TENM1: variants seen among roughly 807,000 people sequenced by gnomAD.
The protein encoded by TENM1 is teneurin transmembrane protein 1, also known as teneurin-1.
TENM1 carries 35 observed loss-of-function variants against 174.8 expected under a neutral mutation model. The ratio of observed to expected loss-of-function variants is 0.20; its 90% CI spans 0.15 to 0.27. The LOEUF (loss-of-function observed/expected upper bound fraction) is 0.27, where lower values mean the gene tolerates loss of function less well. Among genes scored for constraint, TENM1 ranks in the 10% least tolerant of loss-of-function variants. The probability of loss-of-function intolerance (pLI) is 1.00; values close to 1 mark genes in which losing one functional copy is unlikely to be tolerated. For synonymous variants in TENM1, 781 were observed against 798.7 expected (o/e 0.98, Z 0.37); for missense variants, 1,633 against 2,130.1 (o/e 0.77, Z 4.59).
intron 23 of TENM1, among the ~76,000 whole-genome samples, chrX:124,437,763 G>A (rs1209748286): frequency 8.9e-6 from 1 of 111,918 alleles, no homozygotes; most frequent in East Asian, 2.8e-4. Context: ...TTGATTTGGA[G>A]TTGGAAGTGT....
At chrX:124,573,029 C>T (rs1188047432) in intron 11 of TENM1, among the ~76,000 whole-genome samples, 2 of 110,922 alleles carry the variant, frequency 1.8e-5, no homozygotes, top group Non-Finnish European at 3.8e-5. Context: ...CAGAAAAGGC[C>T]AAGAATATCC....
intron 3 of TENM1, among the ~76,000 whole-genome samples, chrX:124,820,969 T>C (rs1933121970): frequency 8.9e-6 from 1 of 112,347 alleles, no homozygotes; most frequent in South Asian, 3.7e-4. Flanking sequence ...CAATCTCCCT[T>C]CTTTACGTAA....
chrX:124,379,632 T>C (rs2060135603), exon 32 of TENM1: 1 of 112,073 alleles, frequency 8.9e-6, no homozygotes. Context: ...TTTAAGTAAA[T>C]TACCGTTCAT....
chrX:124,627,743 T>A (rs944233261), intron 11 of TENM1, among the ~76,000 whole-genome samples: 1 of 112,099 alleles, frequency 8.9e-6, no homozygotes, highest in Non-Finnish European at 1.9e-5. Flanking sequence ...TCTCCATAGG[T>A]CTTCTGGCTG....
the TENM1 span, among the ~76,000 whole-genome samples, chrX:125,003,007 T>A: frequency 8.9e-6 from 1 of 112,033 alleles, no homozygotes; most frequent in African/African-American, 3.2e-5. Context: ...AAAGGAACAT[T>A]ATAGATAGCA....
chrX:124,466,307 T>C (rs190839586), intron 22 of TENM1, among the ~76,000 whole-genome samples: 1 of 111,730 alleles, frequency 9.0e-6, no homozygotes, highest in East Asian at 2.8e-4. Flanking sequence ...AAAAAATGAG[T>C]AATTAATAAC....
chrX:124,376,156 T>C (rs1274945828), exon 32 of TENM1: 1 of 111,901 alleles, frequency 8.9e-6, no homozygotes, highest in Non-Finnish European at 1.9e-5. Flanking sequence ...TTGGAACCTA[T>C]TGTTTCCTAG....
At chrX:124,517,985 G>A (rs1235129911) in intron 18 of TENM1, among the ~76,000 whole-genome samples, 1 of 110,900 alleles carries the variant, frequency 9.0e-6, no homozygotes, top group Non-Finnish European at 1.9e-5. Flanking sequence ...CAGCAGGAAT[G>A]AGATGTCGCA....
intron 3 of TENM1, among the ~76,000 whole-genome samples, chrX:124,754,295 C>A (rs1483955799): frequency 9.0e-6 from 1 of 111,551 alleles, no homozygotes; most frequent in Admixed American, 9.5e-5. Flanking sequence ...GTAGTATTCT[C>A]TGATGGTAGT....
intron 20 of TENM1, among the ~76,000 whole-genome samples, chrX:124,492,503 T>C (rs1040260515): frequency 9.0e-6 from 1 of 111,176 alleles, no homozygotes; most frequent in Non-Finnish European, 1.9e-5. Context: ...TAGATGCTTT[T>C]TTTTTTTTAA....
At chrX:124,682,030 G>C (rs2052247887) in intron 5 of TENM1, among the ~76,000 whole-genome samples, 1 of 111,679 alleles carries the variant, frequency 9.0e-6, no homozygotes, top group African/African-American at 3.2e-5. Flanking sequence ...CGGTCTTTGA[G>C]AGAACTTCAG....
At chrX:125,143,695 T>TC in the TENM1 span, among the ~76,000 whole-genome samples, 1,660 of 111,885 alleles carry the variant, frequency 0.015, 37 homozygotes, top group African/African-American at 0.051. Flanking sequence ...TGATACAATG[T>TC]TGAAAAAGTC....
At chrX:125,116,005 C>G in the TENM1 span, among the ~76,000 whole-genome samples, 28 of 111,781 alleles carry the variant, frequency 2.5e-4, no homozygotes, top group Non-Finnish European at 1.9e-5. Context: ...TACTACAAGG[C>G]TACAGTAACC....
chrX:124,689,906 C>G (rs1283592375), intron 5 of TENM1, among the ~76,000 whole-genome samples: 1 of 110,964 alleles, frequency 9.0e-6, no homozygotes, highest in African/African-American at 3.3e-5. Context: ...GTGTCTCTCT[C>G]AAAATATCTT....
In TENM1 at chrX:124,480,479, A is replaced by G. The variant is rs139992780; in HGVS notation, c.3949+1253T>C. On this transcript the variant is annotated intron_variant, in intron 22 of 31. Transcript: ENST00000422452. ...ATAAATTAAACACATTGACCTCACT[A>G]CATTTATTGGCATGGAAAGATGTTC... Among the ~76,000 whole-genome samples, 27 of 112,406 alleles carry G rather than the reference A, an allele frequency of 2.4e-4. No homozygotes were observed. The East Asian group carries it at 5.3e-3, about 22-fold the overall frequency.
At chrX:124,520,714 C>G (rs2047824549) in exon 18 of TENM1, 2 of 1,205,908 alleles carry the variant, frequency 1.7e-6, no homozygotes, top group Admixed American at 2.2e-5. Context: ...GGTTTTATAC[C>G]CAGGGGTGCG....
At chrX:124,439,339 A>T (rs2060879820) in intron 23 of TENM1, among the ~76,000 whole-genome samples, 1 of 112,170 alleles carries the variant, frequency 8.9e-6, no homozygotes, top group African/African-American at 3.2e-5. Context: ...TTTCAAAGAG[A>T]TAGAGGATGA....
chrX:124,985,698 A>C, the TENM1 span, among the ~76,000 whole-genome samples: 2 of 111,856 alleles, frequency 1.8e-5, no homozygotes, highest in Non-Finnish European at 3.8e-5. Context: ...AATCAGCTGC[A>C]TTTGATTTAT....
At chrX:125,012,657 CATA>C in the TENM1 span, among the ~76,000 whole-genome samples, 95 of 111,267 alleles carry the variant, frequency 8.5e-4, 1 homozygote, top group African/African-American at 3.0e-3. Context: ...CATAGGATAG[CATA>C]ATAATAATAT....
Sources: allele counts gnomAD v4.1 joint callset (sites outside exome capture counted in the v4.1 genomes callset), GRCh38; gene constraint gnomAD v4.1.1; transcripts MANE v1.5; gene names NCBI Gene and HGNC (gene_info 2026-07-23, HGNC 2026-07-21).